CCND2: variants seen among roughly 807,000 people sequenced by gnomAD.
CCND2 encodes the protein cyclin D2, also known as G1/S-specific cyclin-D2.
Under a neutral mutation model 30.2 loss-of-function variants are expected in CCND2, and 6 were observed. The ratio of observed to expected loss-of-function variants is 0.20; its 90% CI spans 0.11 to 0.39. The LOEUF (loss-of-function observed/expected upper bound fraction) is 0.39. Ranked by LOEUF, CCND2 falls within the 10% of genes least tolerant of loss-of-function variation. The pLI is 1.00. For synonymous variants in CCND2, 150 were observed against 153.1 expected, an observed-to-expected ratio of 0.98 and a Z score of 0.15; for missense variants, 235 against 373.4, an observed-to-expected ratio of 0.63 and a Z score of 3.06.
rs1864265981 is a variant in CCND2 at position 4,302,632 on chromosome 12, T to C, written c.*2623T>C. On this transcript the variant is annotated 3_prime_UTR_variant, in exon 5 of 5. Transcript: ENST00000261254. ...GCAAGCACTATGCAAGCCCAGGCCC[T>C]CTGCTGAGCGGTACTAAACGGTCGG... The C allele has an allele frequency of 4.3e-6, 1 of 233,160 alleles. No individual in the cohort carries two copies. Among genetic ancestry groups the C allele is most frequent in the African/African-American group, 2.2e-5 (1 of 45,356 alleles). 14.4% of individuals were successfully genotyped at this position (233,160 alleles called of 1,614,324 possible). A position where few individuals can be genotyped will look rare whatever the true frequency, so the allele number is the denominator to read the frequency against.
At chr12:4,292,831 C>A (rs182980959) in intron 4 of CCND2, among the ~76,000 whole-genome samples, 1 of 152,268 alleles carries the variant, frequency 6.6e-6, no homozygotes, top group East Asian at 1.9e-4. Flanking sequence ...TGGCCTGGGT[C>A]CCCGGTGACC....
At chr12:4,286,670 A>G (rs769936368) in intron 3 of CCND2, among the ~76,000 whole-genome samples, 18 of 152,352 alleles carry the variant, frequency 1.2e-4, no homozygotes, top group African/African-American at 1.4e-4. Flanking sequence ...GACTCCCCTG[A>G]AAATCTTCTT....
Position 4,301,472 on chromosome 12 carries a change from CTTTTT to C in CCND2, c.*1475_*1479del. 4.8e-6 allele frequency: 1 copy of C among 207,796 alleles called. No homozygotes were observed. The allele number at this position is 207,796 out of a possible 1,614,324, so 12.9% of individuals were successfully genotyped here. A position where few individuals can be genotyped will look rare whatever the true frequency, so the allele number is the denominator to read the frequency against. On this transcript the variant is annotated 3_prime_UTR_variant, in exon 5 of 5. Coordinates refer to ENST00000261254, the MANE Select transcript of CCND2 (RefSeq NM_001759.4). Reference sequence around the variant, plus strand: ...GTTAGCAAAGAGGTTGGAGCAACAACTTTTTTTTTTTTTTTTGCACAATTGTAATT... The same window carrying C: ...GTTAGCAAAGAGGTTGGAGCAACAACTTTTTTTTTTTGCACAATTGTAATT...
chr12:4,287,755 C>G lies in CCND2; in HGVS notation c.572-1087C>G, dbSNP rs1864043499. Among the ~76,000 whole-genome samples the G allele has an allele frequency of 6.6e-6, 1 of 152,166 alleles. No homozygotes were observed. Among genetic ancestry groups the G allele is most frequent in the Non-Finnish European group, 1.5e-5 (1 of 68,030 alleles). On this transcript the variant is annotated intron_variant, in intron 3 of 4. Coordinates refer to ENST00000261254, the MANE Select transcript of CCND2 (RefSeq NM_001759.4). The surrounding 1 kb of genome is among the most constrained non-coding windows in gnomAD (Gnocchi z 4.0). Reference sequence around the variant, plus strand: ...TGTGTAGCGTACTGCATGTGGTGGTCATTGGTAGCTGTCAGCAGCTGTAAC... The same window carrying G: ...TGTGTAGCGTACTGCATGTGGTGGTGATTGGTAGCTGTCAGCAGCTGTAAC...
At chr12:4,295,903 T>A (rs1453415517) in intron 4 of CCND2, among the ~76,000 whole-genome samples, 1 of 152,388 alleles carries the variant, frequency 6.6e-6, no homozygotes, top group African/African-American at 2.4e-5. Context: ...GTGGGACACC[T>A]GGGCACCCAC....
chr12:4,282,674 C>T lies in CCND2; in HGVS notation c.571+3755C>T, dbSNP rs190265003. On this transcript the variant is annotated intron_variant, in intron 3 of 4. Coordinates refer to ENST00000261254, the MANE Select transcript of CCND2 (RefSeq NM_001759.4). This position sits in a 1 kb window ranked among gnomAD's most constrained non-coding sequence, Gnocchi z 4.3. ...AGCCAGGCAGTGTGGTGCTTGCCAT[C>T]GCTCTTCCCTCTGGCTGTAAGATGA... Among the ~76,000 whole-genome samples the T allele has an allele frequency of 2.1e-3, 327 of 152,318 alleles. 2 individuals are homozygous for T. Among genetic ancestry groups the T allele is most frequent in the Non-Finnish European group, 4.2e-3 (286 of 68,024 alleles).
intron 4 of CCND2, among the ~76,000 whole-genome samples, chr12:4,291,142 C>T (rs1464900604): frequency 6.6e-6 from 1 of 151,520 alleles, no homozygotes; most frequent in East Asian, 1.9e-4. Context: ...TCTGGCACCC[C>T]GGAGGCTGGT....
Position 4,299,088 on chromosome 12 carries a change from G to T in CCND2, c.721-772G>T, listed in dbSNP as rs552747109. 6.6e-6 allele frequency among the ~76,000 whole-genome samples: 1 copy of T among 152,120 alleles called. No homozygotes were observed. The highest frequency in any genetic ancestry group is 1.5e-5 in the Non-Finnish European group (1 of 68,030). Reference sequence around the variant, plus strand: ...TTTTTTTAAGTATTTACAGTGAGGCGCGGTGGCTCATGCCTGTAATCCCAG... The same window carrying T: ...TTTTTTTAAGTATTTACAGTGAGGCTCGGTGGCTCATGCCTGTAATCCCAG... On this transcript the variant is annotated intron_variant, in intron 4 of 4. Coordinates refer to ENST00000261254, the MANE Select transcript of CCND2 (RefSeq NM_001759.4). This position sits in a 1 kb window ranked among gnomAD's most constrained non-coding sequence, Gnocchi z 5.2.
chr12:4,289,856 AC>A (rs1864073923), intron 4 of CCND2, among the ~76,000 whole-genome samples: 1 of 151,686 alleles, frequency 6.6e-6, no homozygotes, highest in African/African-American at 2.4e-5. Flanking sequence ...TGGGGCTAGA[AC>A]CCCCAGGCTC....
intron 2 of CCND2, among the ~76,000 whole-genome samples, chr12:4,277,455 T>C (rs1863890100): frequency 6.6e-6 from 1 of 152,228 alleles, no homozygotes; most frequent in African/African-American, 2.4e-5. Context: ...ATTGTTAGAA[T>C]TGGGAACCAA....
rs2120604061 is a variant in CCND2 at position 4,303,666 on chromosome 12, A to G, written c.*3657A>G. The G allele has an allele frequency of 4.3e-6, 1 of 233,712 alleles. No individual in the cohort carries two copies. Among genetic ancestry groups the G allele is most frequent in the East Asian group, 6.0e-5 (1 of 16,584 alleles). The allele number at this position is 233,712 out of a possible 1,614,324, so 14.5% of individuals were successfully genotyped here. ...GCATAATTAAACTCCATGCGGGTCC[A>G]TAACAGCCAAGAAGCCTGCAGGAGA... On this transcript the variant is annotated 3_prime_UTR_variant, in exon 5 of 5. Transcript: ENST00000261254. This position sits in a 1 kb window ranked among gnomAD's most constrained non-coding sequence, Gnocchi z 4.6.
chr12:4,288,470 C>G (rs1326589137), intron 3 of CCND2, among the ~76,000 whole-genome samples: 1 of 152,078 alleles, frequency 6.6e-6, no homozygotes. Flanking sequence ...CCACCATCAC[C>G]TCTAGAGGAG....
rs1221737903 is a variant in CCND2 at position 4,282,594 on chromosome 12, G to A, written c.571+3675G>A. On this transcript the variant is annotated intron_variant, in intron 3 of 4. Coordinates refer to ENST00000261254, the MANE Select transcript of CCND2 (RefSeq NM_001759.4). This position sits in a 1 kb window ranked among gnomAD's most constrained non-coding sequence, Gnocchi z 4.3. ...TGCAAGTCTCTGAGCTACCCCTGAA[G>A]CCGCGAGGTCATGGGACTGAGGGGG... Among the ~76,000 whole-genome samples, 1 of 152,216 alleles carries A rather than the reference G, an allele frequency of 6.6e-6. No individual in the cohort carries two copies. The highest frequency in any genetic ancestry group is 2.1e-4 in the South Asian group (1 of 4,838).
At chr12:4,275,415 C>G (rs3217790) in intron 1 of CCND2, 2 of 149,972 alleles carry the variant, frequency 1.3e-5, no homozygotes, top group Non-Finnish European at 3.0e-5. Flanking sequence ...ACCATCCCCC[C>G]CTGCTCCGAC....
In CCND2 at chr12:4,285,378, T is replaced by C. The variant is rs1322502661; in HGVS notation, c.572-3464T>C. On this transcript the variant is annotated intron_variant, in intron 3 of 4. Transcript: ENST00000261254. The surrounding 1 kb of genome is among the most constrained non-coding windows in gnomAD (Gnocchi z 4.1). ...CCTGAGCGTGCCTTCTGCACCAGCA[T>C]ATTGCTTGTTGGCATTTTTGATCAA... is the stretch of plus-strand genomic sequence containing the variant. 1.0e-6 allele frequency: 1 copy of C among 985,264 alleles called. No homozygotes were observed. Among genetic ancestry groups the C allele is most frequent in the African/African-American group, 1.7e-5 (1 of 57,244 alleles). The allele number at this position is 985,264 out of a possible 1,614,324, so 61.0% of individuals were successfully genotyped here.
chr12:4,296,218 T>C (rs543142824), intron 4 of CCND2, among the ~76,000 whole-genome samples: 7 of 152,212 alleles, frequency 4.6e-5, no homozygotes, highest in Non-Finnish European at 1.0e-4. Context: ...AATTCACCGA[T>C]GGCCATGGAG....
rs994217231 is a variant in CCND2 at position 4,287,615 on chromosome 12, C to T, written c.572-1227C>T. On this transcript the variant is annotated intron_variant, in intron 3 of 4. Coordinates refer to ENST00000261254, the MANE Select transcript of CCND2 (RefSeq NM_001759.4). The surrounding 1 kb of genome is among the most constrained non-coding windows in gnomAD (Gnocchi z 4.0). ...CAACTATACCCACCCTAATATCTGT[C>T]AACACGAGCAGGGGCAACTTAAACT... 3.9e-5 allele frequency among the ~76,000 whole-genome samples: 6 copies of T among 152,202 alleles called. No homozygotes were observed. Among genetic ancestry groups the T allele is most frequent in the African/African-American group, 1.4e-4 (6 of 41,436 alleles).
intron 3 of CCND2, among the ~76,000 whole-genome samples, chr12:4,284,883 G>A (rs769955383): frequency 9.9e-5 from 15 of 151,870 alleles, no homozygotes; most frequent in South Asian, 2.1e-4. Flanking sequence ...TTACAGGCGC[G>A]TGCCACCATG....
chr12:4,281,903 C>T (rs1461419748), intron 3 of CCND2, among the ~76,000 whole-genome samples: 5 of 148,050 alleles, frequency 3.4e-5, no homozygotes, highest in Non-Finnish European at 5.9e-5. Flanking sequence ...GAGCAAGGGC[C>T]GCAAGCTGCT....
Sources: gnomAD v4.1 joint callset for allele counts (sites outside exome capture counted in the v4.1 genomes callset) on GRCh38, gnomAD v4.1.1 for gene constraint, Gnocchi (gnomAD v3.1) non-coding constraint, MANE v1.5 for transcripts, NCBI Gene and HGNC (gene_info 2026-07-23, HGNC 2026-07-21) for gene names.